The following KRT2 variants were observed in gnomAD, a reference collection of about 807,000 sequenced individuals.
The protein encoded by KRT2 is keratin, type II cytoskeletal 2 epidermal.
KRT2 carries 37 observed loss-of-function variants against 48.5 expected under a neutral mutation model. The observed-to-expected ratio is 0.76, with a 90% CI of 0.59 to 1.00. The LOEUF (loss-of-function observed/expected upper bound fraction) is 1.00. KRT2 is among the 50% of genes least tolerant of loss of function. The pLI is 0.00. For synonymous variants in KRT2, 324 were observed against 312.2 expected, an observed-to-expected ratio of 1.04 and a Z score of -0.40; for missense variants, 880 against 815.2, an observed-to-expected ratio of 1.08 and a Z score of -0.97.
In KRT2 at chr12:52,645,282, C is replaced by T; in HGVS notation, c.1657G>A (p.Gly553Arg). The T allele has an allele frequency of 6.2e-7, 1 of 1,614,154 alleles. No homozygotes were observed. The highest frequency in any genetic ancestry group is 8.5e-7 in the Non-Finnish European group (1 of 1,180,028). Reference protein sequence around the residue: ...GRQSGSRGGSGGGGSISGGGY... With the variant: ...GRQSGSRGGSRGGGSISGGGY... ...CCTCCAGAGATAGAACCTCCTCCTC[C>T]ACTACCGCCTCTGGAGCCAGACTGT... is the stretch of plus-strand genomic sequence containing the variant. Residue 553 changes from glycine (G) to arginine (R), a missense_variant, in exon 9 of 9, where the codon GGA becomes AGA. By Grantham distance (125) the Gly-to-Arg change is moderately radical. Coordinates refer to ENST00000309680, the MANE Select transcript of KRT2 (RefSeq NM_000423.3).
rs746380399 is a variant in KRT2 at position 52,651,892 on chromosome 12, C to T, written c.251G>A (p.Gly84Asp). The T allele has an allele frequency of 5.6e-6, 9 of 1,610,290 alleles. No homozygotes were observed. In the East Asian group the frequency reaches 1.6e-4, roughly 28 times the overall value. ...ISVAGGGGGF[G>D]AAGGFGGRGG... is the part of the protein sequence containing the mutation. ...TCTGCCACCAAATCCACCAGCGGCGCCAAAGCCACCACCTCCTCCAGCCAC... is the reference window on the plus strand; with the variant it reads ...TCTGCCACCAAATCCACCAGCGGCGTCAAAGCCACCACCTCCTCCAGCCAC... The change falls in exon 1 of 9, where the codon GGC (glycine) becomes GAC (aspartate). Residue 84 changes from glycine (G) to aspartate (D), a missense_variant. Physicochemically the swap from Gly to Asp is moderately conservative, Grantham distance 94. Coordinates refer to ENST00000309680, the MANE Select transcript of KRT2 (RefSeq NM_000423.3).
intron 1 of KRT2, 54 bp from the exon 2 acceptor site, chr12:52,650,607 C>G: frequency 1.3e-6 from 2 of 1,482,958 alleles, no homozygotes; most frequent in Non-Finnish European, 1.9e-6. Flanking sequence ...TCACACCAAG[C>G]AAGCCACGCT....
At chr12:52,645,613 G>A in intron 7 of KRT2, 44 bp from the exon 8 acceptor site, 2 of 1,597,432 alleles carry the variant, frequency 1.3e-6, no homozygotes, top group Non-Finnish European at 1.7e-6. Context: ...GAACACTTAG[G>A]TTCTGTATGC....
rs1436299939 is a variant in KRT2, at chr12:52,651,582, G to A, written c.561C>T (p.Asn187=). 1 of 1,614,082 alleles carries A rather than the reference G, an allele frequency of 6.2e-7. No homozygotes were observed. Among genetic ancestry groups the A allele is most frequent in the South Asian group, 1.1e-5 (1 of 91,084 alleles). ...CCTTGTCAATGAAGGAGGCAAATTTGTTGTTGAGAGTTTTGATCTGCTCAC... is the reference window on the plus strand; with the variant it reads ...CCTTGTCAATGAAGGAGGCAAATTTATTGTTGAGAGTTTTGATCTGCTCAC... ...QEREQIKTLN[N]KFASFIDKVR... The change falls in exon 1 of 9, where the codon AAC becomes AAT. Residue 187 remains asparagine, a synonymous_variant. Coordinates refer to ENST00000309680, the MANE Select transcript of KRT2 (RefSeq NM_000423.3).
At position 52,650,463 on chromosome 12, in the gene KRT2, C is replaced by T. The variant is rs770617369; in HGVS notation, c.676G>A (p.Glu226Lys). ...TCGATATACCCCTGGAAGATGGGCT[C>T]CAGGTTGATGGGGCGGGTGCCAACA... Reference protein sequence around the residue: ...MNVGTRPINLEPIFQGYIDSL... With the variant: ...MNVGTRPINLKPIFQGYIDSL... The change falls in exon 2 of 9, where the codon GAG (glutamate) becomes AAG (lysine). Residue 226 changes from glutamate to lysine, a missense_variant. Glu to Lys is a moderately conservative substitution (Grantham distance 56, BLOSUM62 1). Coordinates refer to ENST00000309680, the MANE Select transcript of KRT2 (RefSeq NM_000423.3). 1.9e-6 allele frequency: 3 copies of T among 1,614,114 alleles called. No homozygotes were observed. The Admixed American group carries it at 5.0e-5, about 27-fold the overall frequency.
chr12:52,648,957 T>G, intron 4 of KRT2, 50 bp downstream of exon 4: 1 of 1,167,788 alleles, frequency 8.6e-7, no homozygotes, highest in Non-Finnish European at 1.3e-6. Context: ...GGACTTTCAT[T>G]TGGTGAGAAG....
Position 52,646,800 on chromosome 12 carries a change from T to C in KRT2, c.1409A>G (p.Lys470Arg). The C allele has an allele frequency of 6.2e-7, 1 of 1,614,162 alleles. No individual in the cohort carries two copies. The highest frequency in any genetic ancestry group is 8.5e-7 in the Non-Finnish European group (1 of 1,180,020). ...GGCGATCTCCACATCTAGGGCCAGC[T>C]TCACGTTCATCAGCTCCTGGTAGTC... ...LRDYQELMNV[K>R]LALDVEIATY... The change falls in exon 7 of 9, where the codon AAG becomes AGG. Residue 470 changes from lysine (K) to arginine (R), a missense_variant. Coordinates refer to ENST00000309680, the MANE Select transcript of KRT2 (RefSeq NM_000423.3).
Position 52,646,247 on chromosome 12 carries a change from C to T in KRT2, c.1469+493G>A, listed in dbSNP as rs139949616. ...ACTACAGAGGAAGCAAAGGGTGCCT[C>T]TTTGAAAGTTAGCAAATGGTTCCAT... On this transcript the variant is annotated intron_variant, in intron 7 of 8. Transcript: ENST00000309680. Among the ~76,000 whole-genome samples the T allele has an allele frequency of 3.3e-5, 5 of 152,324 alleles. No homozygotes were observed. In the East Asian group the frequency reaches 9.6e-4, roughly 29 times the overall value.
chr12:52,646,728 C>A lies in KRT2; in HGVS notation c.1469+12G>T, dbSNP rs777350216. On this transcript the variant is annotated intron_variant, in intron 7 of 8. Coordinates refer to ENST00000309680, the MANE Select transcript of KRT2 (RefSeq NM_000423.3). ...GGGCCAGGGTCCCCTTCTCCCTTCC[C>A]AGTGCCCTCACCTGCACTCCTCGCC... is the stretch of plus-strand genomic sequence containing the variant. 6.2e-7 allele frequency: 1 copy of A among 1,613,572 alleles called. No homozygotes were observed. The highest frequency in any genetic ancestry group is 8.5e-7 in the Non-Finnish European group (1 of 1,179,640).
rs932927218 is a variant in KRT2, at chr12:52,644,989, G to A, written c.*30C>T. The stretch of plus-strand genomic sequence containing the variant: ...ATTCTGGAGTGGGAGAGTCTGGGTT[G>A]GGAGAGTCGGTGGTGGTGGGGGCTC... On this transcript the variant is annotated 3_prime_UTR_variant, in exon 9 of 9. Coordinates refer to ENST00000309680, the MANE Select transcript of KRT2 (RefSeq NM_000423.3). 2 of 1,612,898 alleles carry A rather than the reference G, an allele frequency of 1.2e-6. No homozygotes were observed. The highest frequency in any genetic ancestry group is 1.3e-5 in the African/African-American group (1 of 75,002).
chr12:52,645,291 C>G lies in KRT2; in HGVS notation c.1648G>C (p.Gly550Arg), dbSNP rs547051678. Residue 550 changes from glycine to arginine, a missense_variant, in exon 9 of 9, where the codon GGC becomes CGC. Gly to Arg is a moderately radical substitution (Grantham distance 125, BLOSUM62 -2). Transcript: ENST00000309680. Reference protein sequence around the residue: ...GSGGRQSGSRGGSGGGGSISG... With the variant: ...GSGGRQSGSRRGSGGGGSISG... ...ATAGAACCTCCTCCTCCACTACCGC[C>G]TCTGGAGCCAGACTGTCGGCCTCCA... 9.9e-6 allele frequency: 16 copies of G among 1,614,176 alleles called. No individual in the cohort carries two copies. Among genetic ancestry groups the G allele is most frequent in the African/African-American group, 6.7e-5 (5 of 75,020 alleles).
At position 52,650,440 on chromosome 12, in the gene KRT2, G is replaced by C. The variant is rs779630394; in HGVS notation, c.699C>G (p.Ile233Met). 6.2e-7 allele frequency: 1 copy of C among 1,614,078 alleles called. No homozygotes were observed. Among genetic ancestry groups the C allele is most frequent in the Non-Finnish European group, 8.5e-7 (1 of 1,179,936 alleles). The change falls in exon 2 of 9, where the codon ATC becomes ATG. Residue 233 changes from isoleucine (I) to methionine (M), a missense_variant. Transcript: ENST00000309680. ...CATCCAGATATCTCTTGAGGCTGTC[G>C]ATATACCCCTGGAAGATGGGCTCCA... The part of the protein sequence containing the change: ...INLEPIFQGY[I>M]DSLKRYLDGL...
chr12:52,645,024 TA>T lies in KRT2; in HGVS notation c.1914del (p.Phe638LeufsTer65). On this transcript the variant is annotated frameshift_variant, in exon 9 of 9. Coordinates refer to ENST00000309680, the MANE Select transcript of KRT2 (RefSeq NM_000423.3). LOFTEE classifies it high-confidence loss of function. ...EAFGSSVTFS[F>X]R is the part of the protein sequence containing the mutation. ...GTGGTGGTGGGGGCTCATCTTTATCTAAAAGAGAAGGTCACGCTGGAACCAA... is the reference window on the plus strand; with the variant it reads ...GTGGTGGTGGGGGCTCATCTTTATCTAAAGAGAAGGTCACGCTGGAACCAA... 2 of 1,614,040 alleles carry T rather than the reference TA, an allele frequency of 1.2e-6. No homozygotes were observed. Among genetic ancestry groups the T allele is most frequent in the Non-Finnish European group, 1.7e-6 (2 of 1,179,980 alleles).
intron 6 of KRT2, among the ~76,000 whole-genome samples, 181 bp from the exon 7 acceptor site, chr12:52,647,141 C>A (rs1017693886): frequency 3.3e-5 from 5 of 152,212 alleles, no homozygotes; most frequent in African/African-American, 1.2e-4. Context: ...TCCCATGTCA[C>A]CGTTGATGAC....
Position 52,645,548 on chromosome 12 carries a change from G to T in KRT2, c.1491C>A (p.Ser497Arg). The change falls in exon 8 of 9, where the codon AGC becomes AGA. Residue 497 changes from serine (S) to arginine (R), a missense_variant. Coordinates refer to ENST00000309680, the MANE Select transcript of KRT2 (RefSeq NM_000423.3). ...CCCATTACTTACACACAGTCACATT[G>T]CTGCTGAGGTCTCCAGACATCCTGT... ...EECRMSGDLS[S>R]NVTVSVTSST... is the part of the protein sequence containing the mutation. The T allele has an allele frequency of 1.9e-6, 3 of 1,614,150 alleles. No homozygotes were observed. The highest frequency in any genetic ancestry group is 4.5e-5 in the East Asian group (2 of 44,884).
rs1227707484 is a variant in KRT2, at chr12:52,645,356, G to A, written c.1583C>T (p.Ser528Phe). The change falls in exon 9 of 9, where the codon TCC becomes TTC. Residue 528 changes from serine (S) to phenylalanine (F), a missense_variant. Ser to Phe is a radical substitution (Grantham distance 155). Transcript: ENST00000309680. Reference protein sequence around the residue: ...FGGSGGRGSSSGGGYSSGSSS... With the variant: ...FGGSGGRGSSFGGGYSSGSSS... Reference sequence around the variant, plus strand: ...GCTTCCAGAGCTGTATCCTCCTCCGGAACTGGACCCTCTACCTCCAGAACC... The same window carrying A: ...GCTTCCAGAGCTGTATCCTCCTCCGAAACTGGACCCTCTACCTCCAGAACC... The A allele has an allele frequency of 3.1e-6, 5 of 1,614,168 alleles. No homozygotes were observed. Among genetic ancestry groups the A allele is most frequent in the Admixed American group, 1.7e-5 (1 of 60,026 alleles).
Position 52,649,110 on chromosome 12 carries a change from A to G in KRT2, c.862-8T>C, listed in dbSNP as rs948217070. ...GTAGGCATTGTCCACGTCCTGCAAG[A>G]AAGGTTGAGGCCTCTGGTGTATGGT... is the stretch of plus-strand genomic sequence containing the variant. On this transcript the variant is annotated splice_region_variant and splice_polypyrimidine_tract_variant and intron_variant, in intron 3 of 8. Coordinates refer to ENST00000309680, the MANE Select transcript of KRT2 (RefSeq NM_000423.3). 3.2e-5 allele frequency: 50 copies of G among 1,580,800 alleles called. No homozygotes were observed. Among genetic ancestry groups the G allele is most frequent in the Non-Finnish European group, 4.2e-5 (48 of 1,149,936 alleles).
chr12:52,649,332 G>A (rs981353882), intron 3 of KRT2, among the ~76,000 whole-genome samples: 3 of 152,048 alleles, frequency 2.0e-5, no homozygotes, highest in South Asian at 2.1e-4. Flanking sequence ...TCAGAGCCTC[G>A]AGATGACCAA....
At chr12:52,649,824 C>T in intron 3 of KRT2, 90 bp downstream of exon 3, 1 of 981,810 alleles carries the variant, frequency 1.0e-6, no homozygotes, top group Non-Finnish European at 1.7e-6. Context: ...CTTTTGCACT[C>T]ACAGTTGATT....
Sources: gnomAD v4.1 joint callset for allele counts (sites outside exome capture counted in the v4.1 genomes callset) on GRCh38, gnomAD v4.1.1 for gene constraint, MANE v1.5 for transcripts, NCBI Gene and HGNC (gene_info 2026-07-23, HGNC 2026-07-21) for gene names.